The following CTF1 variants were observed in gnomAD, a reference collection of about 807,000 sequenced individuals.
CTF1 encodes the protein cardiotrophin 1.
CTF1 carries 9 observed loss-of-function variants against 10.9 expected under a neutral mutation model. That is an observed-to-expected ratio of 0.83 (90% CI 0.50 to 1.44). CTF1 has a LOEUF of 1.44. CTF1 is among the 40% of genes most tolerant of loss of function. CTF1 has a pLI of 0.00. For missense variants in CTF1, 259 were observed against 275.3 expected, an observed-to-expected ratio of 0.94 and a Z score of 0.42; for synonymous variants, 133 against 138.8, an observed-to-expected ratio of 0.96 and a Z score of 0.29.
chr16:30,896,668 G>A lies in CTF1; in HGVS notation c.25G>A (p.Glu9Lys). The change falls in exon 1 of 3, where the codon GAA becomes AAA. Residue 9 changes from glutamate to lysine, a missense_variant and splice_region_variant. Physicochemically the swap from Glu to Lys is moderately conservative, Grantham distance 56 (BLOSUM62 1). Coordinates refer to ENST00000279804, the MANE Select transcript of CTF1 (RefSeq NM_001330.5). The stretch of plus-strand genomic sequence containing the variant: ...CATGAGCCGGAGGGAGGGAAGTCTG[G>A]GTAAGGGGCTGAGGGACCGGACGCC... MSRREGSL[E>K]DPQTDSSVSL... 1.6e-6 allele frequency: 2 copies of A among 1,253,494 alleles called. No homozygotes were observed. Among genetic ancestry groups the A allele is most frequent in the African/African-American group, 1.5e-5 (1 of 64,610 alleles). 77.6% of individuals were successfully genotyped at this position (1,253,494 alleles called of 1,614,324 possible). A position where few individuals can be genotyped will look rare whatever the true frequency, so the allele number is the denominator to read the frequency against.
In CTF1 at chr16:30,899,545, TG is replaced by T; in HGVS notation, c.144+17del. On this transcript the variant is annotated intron_variant, in intron 2 of 2. Transcript: ENST00000279804. ...TGCTCCAGGAATATGTGAGTGGGAATGGGGGTGGGGGTGCCGGGGGCCTGGG... is the reference window on the plus strand; with the variant it reads ...TGCTCCAGGAATATGTGAGTGGGAATGGGGTGGGGGTGCCGGGGGCCTGGG... 4.4e-6 allele frequency: 2 copies of T among 453,100 alleles called. No homozygotes were observed. Among genetic ancestry groups the T allele is most frequent in the African/African-American group, 3.0e-5 (1 of 33,096 alleles). The allele number at this position is 453,100 out of a possible 1,614,324, so 28.1% of individuals were successfully genotyped here.
chr16:30,900,988 GGTTC>G (rs891574709), intron 2 of CTF1, among the ~76,000 whole-genome samples: 8 of 151,730 alleles, frequency 5.3e-5, no homozygotes, highest in African/African-American at 1.9e-4. Context: ...CCGCCTCCCA[GGTTC>G]AAGGGATTCT....
chr16:30,902,721 C>G lies in CTF1; in HGVS notation c.*182C>G, dbSNP rs1401134023. ...ACGGGCAGGGTCTCTGTCGCCCAGGCTGGGGTGCAGTGGCGCGATCCCAGC... is the reference window on the plus strand; with the variant it reads ...ACGGGCAGGGTCTCTGTCGCCCAGGGTGGGGTGCAGTGGCGCGATCCCAGC... On this transcript the variant is annotated 3_prime_UTR_variant, in exon 3 of 3. Coordinates refer to ENST00000279804, the MANE Select transcript of CTF1 (RefSeq NM_001330.5). The G allele has an allele frequency of 2.0e-6, 2 of 979,664 alleles. No individual in the cohort carries two copies. Among genetic ancestry groups the G allele is most frequent in the Admixed American group, 4.3e-5 (1 of 23,492 alleles). 60.7% of individuals were successfully genotyped at this position (979,664 alleles called of 1,614,324 possible).
chr16:30,896,796 G>C, intron 1 of CTF1, 128 bp downstream of exon 1: 1 of 752,028 alleles, frequency 1.3e-6, no homozygotes, highest in East Asian at 3.4e-5. Flanking sequence ...GGGAAGGGCA[G>C]GGCTCCGGTG....
At chr16:30,896,723 G>T in intron 1 of CTF1, 55 bp downstream of exon 1, 1 of 1,248,414 alleles carries the variant, frequency 8.0e-7, no homozygotes, top group Admixed American at 4.2e-5. Flanking sequence ...GAGTCAGAGG[G>T]ATTGGGAGCT....
At position 30,902,278 on chromosome 16, in the gene CTF1, G is replaced by T; in HGVS notation, c.345G>T (p.Ala115=). ...CRRQAELNPR[A]PRLLRRLEDA... ...GCCAGGCCGAGCTGAACCCGCGCGC[G>T]CCGCGCCTGCTGCGCCGCCTGGAGG... Residue 115 remains alanine, a synonymous_variant, in exon 3 of 3, where the codon GCG becomes GCT. Transcript: ENST00000279804. The T allele has an allele frequency of 9.7e-7, 1 of 1,034,030 alleles. No homozygotes were observed. Among genetic ancestry groups the T allele is most frequent in the Non-Finnish European group, 1.2e-6 (1 of 863,946 alleles). The allele number at this position is 1,034,030 out of a possible 1,614,324, so 64.1% of individuals were successfully genotyped here. A position where few individuals can be genotyped will look rare whatever the true frequency, so the allele number is the denominator to read the frequency against.
chr16:30,901,173 G>A (rs986856910), intron 2 of CTF1, among the ~76,000 whole-genome samples: 26 of 152,124 alleles, frequency 1.7e-4, no homozygotes, highest in Non-Finnish European at 2.8e-4. Flanking sequence ...GATTACAGGC[G>A]TGAGTCACCG....
chr16:30,899,463 C>G lies in CTF1; in HGVS notation c.74C>G (p.Ala25Gly). ...SSVSLLPHLE[A>G]KIRQTHSLAH... ...GTCTCACTTCTTCCCCACTTGGAGG[C>G]CAAGATCCGTCAGACACACAGCCTT... is the stretch of plus-strand genomic sequence containing the variant. Residue 25 changes from alanine (A) to glycine (G), a missense_variant, in exon 2 of 3, where the codon GCC becomes GGC. Ala to Gly is a moderately conservative substitution (Grantham distance 60, BLOSUM62 0). Coordinates refer to ENST00000279804, the MANE Select transcript of CTF1 (RefSeq NM_001330.5). The G allele has an allele frequency of 1.2e-6, 2 of 1,613,940 alleles. No homozygotes were observed. The highest frequency in any genetic ancestry group is 1.7e-6 in the Non-Finnish European group (2 of 1,179,938).
Position 30,896,639 on chromosome 16 carries a change from C to T in CTF1, c.-5C>T. On this transcript the variant is annotated 5_prime_UTR_variant, in exon 1 of 3. Transcript: ENST00000279804. The stretch of plus-strand genomic sequence containing the variant: ...GAAGGGAGCCGGGATCAGCCAGGGG[C>T]CAGCATGAGCCGGAGGGAGGGAAGT... 8.0e-7 allele frequency: 1 copy of T among 1,252,580 alleles called. No homozygotes were observed. The highest frequency in any genetic ancestry group is 1.0e-6 in the Non-Finnish European group (1 of 990,016). 77.6% of individuals were successfully genotyped at this position (1,252,580 alleles called of 1,614,324 possible). A position where few individuals can be genotyped will look rare whatever the true frequency, so the allele number is the denominator to read the frequency against.
Position 30,902,170 on chromosome 16 carries a change from G to T in CTF1, c.237G>T (p.Ala79=). 1 of 1,267,548 alleles carries T rather than the reference G, an allele frequency of 7.9e-7. No homozygotes were observed. Among genetic ancestry groups the T allele is most frequent in the Non-Finnish European group, 9.9e-7 (1 of 1,007,704 alleles). 78.5% of individuals were successfully genotyped at this position (1,267,548 alleles called of 1,614,324 possible). A position where few individuals can be genotyped will look rare whatever the true frequency, so the allele number is the denominator to read the frequency against. Residue 79 remains alanine, a synonymous_variant, in exon 3 of 3, where the codon GCG becomes GCT. Transcript: ENST00000279804. The part of the protein sequence containing the change: ...AGLSAPAPSH[A]GLPVHERLRL... ...TGAGCGCCCCGGCTCCGAGCCACGC[G>T]GGGCTGCCAGTGCACGAGCGGCTGC...
intron 1 of CTF1, among the ~76,000 whole-genome samples, chr16:30,898,185 G>A (rs751965797): frequency 7.5e-5 from 10 of 133,710 alleles, no homozygotes; most frequent in Non-Finnish European, 1.4e-4. Context: ...TTTTTGAGAC[G>A]AAGTCTCGGT....
intron 1 of CTF1, among the ~76,000 whole-genome samples, chr16:30,897,850 G>GTC (rs750667288): frequency 3.3e-4 from 50 of 150,376 alleles, no homozygotes; most frequent in South Asian, 8.4e-4. Context: ...GCAAGACTCC[G>GTC]TCTCTCTCTC....
chr16:30,897,241 C>A (rs2055361103), intron 1 of CTF1, among the ~76,000 whole-genome samples: 1 of 152,166 alleles, frequency 6.6e-6, no homozygotes, highest in African/African-American at 2.4e-5. Context: ...CTCTTGCGGA[C>A]CTTGATTCGC....
chr16:30,899,073 G>A (rs1214153661), intron 1 of CTF1, among the ~76,000 whole-genome samples: 2 of 152,172 alleles, frequency 1.3e-5, no homozygotes, highest in African/African-American at 4.8e-5. Context: ...TAGCCTGGGC[G>A]TGTAGCAGGC....
chr16:30,899,377 A>T (rs1309818181), intron 1 of CTF1, 38 bp from the exon 2 acceptor site: 2 of 1,218,958 alleles, frequency 1.6e-6, no homozygotes, highest in African/African-American at 3.0e-5. Flanking sequence ...AATGAGCAGG[A>T]GGTTGGCCAT....
intron 1 of CTF1, among the ~76,000 whole-genome samples, chr16:30,898,021 A>ATTT (rs199817667): frequency 6.8e-6 from 1 of 146,464 alleles, no homozygotes; most frequent in Admixed American, 6.8e-5. Context: ...AGTCCAGCTA[A>ATTT]TTTTTTTTTT....
Position 30,902,209 on chromosome 16 carries a change from G to T in CTF1, c.276G>T (p.Ala92=). 2 of 1,168,006 alleles carry T rather than the reference G, an allele frequency of 1.7e-6. No homozygotes were observed. The highest frequency in any genetic ancestry group is 8.3e-5 in the South Asian group (2 of 24,104). 72.4% of individuals were successfully genotyped at this position (1,168,006 alleles called of 1,614,324 possible). Residue 92 remains alanine (A), a synonymous_variant, in exon 3 of 3, where the codon GCG becomes GCT. Coordinates refer to ENST00000279804, the MANE Select transcript of CTF1 (RefSeq NM_001330.5). ...PVHERLRLDA[A]ALAALPPLLD... ...ACGAGCGGCTGCGGCTGGACGCGGCGGCGCTGGCCGCGCTGCCCCCGCTGC... is the reference window on the plus strand; with the variant it reads ...ACGAGCGGCTGCGGCTGGACGCGGCTGCGCTGGCCGCGCTGCCCCCGCTGC...
chr16:30,899,557 T>TTGGGGGGGGGGGG, intron 2 of CTF1, 24 bp downstream of exon 2: 1 of 546,118 alleles, frequency 1.8e-6, no homozygotes, highest in Non-Finnish European at 3.5e-6. Context: ...GGGGTGGGGG[T>TTGGGGGGGGGGGG]GCCGGGGGCC....
intron 2 of CTF1, among the ~76,000 whole-genome samples, chr16:30,900,397 G>A (rs545798983): frequency 6.6e-6 from 1 of 152,292 alleles, no homozygotes; most frequent in South Asian, 2.1e-4. Flanking sequence ...GTGAGCTTGG[G>A]CAGTAACAAT....
Sources: allele counts gnomAD v4.1 joint callset (sites outside exome capture counted in the v4.1 genomes callset), GRCh38; gene constraint gnomAD v4.1.1; transcripts MANE v1.5; gene names NCBI Gene and HGNC (gene_info 2026-07-23, HGNC 2026-07-21).